ZDHHC18: variants seen among roughly 807,000 people sequenced by gnomAD.
ZDHHC18 encodes the protein palmitoyltransferase ZDHHC18.
ZDHHC18 carries 23 observed loss-of-function variants against 37.5 expected under a neutral mutation model. The observed-to-expected ratio is 0.61, with a 90% CI of 0.44 to 0.87. The LOEUF (loss-of-function observed/expected upper bound fraction) is 0.87, where lower values mean the gene tolerates loss of function less well. Ranked by LOEUF, ZDHHC18 falls within the 40% of genes least tolerant of loss-of-function variation. The probability of loss-of-function intolerance (pLI) is 0.00; values close to 1 mark genes in which losing one functional copy is unlikely to be tolerated. For synonymous variants in ZDHHC18, 185 were observed against 218.7 expected, an observed-to-expected ratio of 0.85 and a Z score of 1.36; for missense variants, 406 against 525.6, an observed-to-expected ratio of 0.77 and a Z score of 2.22.
intron 2 of ZDHHC18, among the ~76,000 whole-genome samples, chr1:26,845,738 T>C (rs1223505830): frequency 6.6e-6 from 1 of 152,116 alleles, no homozygotes; most frequent in African/African-American, 2.4e-5. Context: ...GTTTATCAAA[T>C]TGCTCTTTTA....
chr1:26,842,083 A>C (rs974254900), intron 2 of ZDHHC18, among the ~76,000 whole-genome samples: 2 of 151,616 alleles, frequency 1.3e-5, no homozygotes, highest in Non-Finnish European at 2.9e-5. Flanking sequence ...GCAGTGAGCC[A>C]AGATCGCGCC....
At chr1:26,840,128 C>T (rs1030510870) in intron 2 of ZDHHC18, among the ~76,000 whole-genome samples, 1 of 152,182 alleles carries the variant, frequency 6.6e-6, no homozygotes, top group African/African-American at 2.4e-5. Flanking sequence ...CAGTTCCCTC[C>T]CTGTCCTGGG....
chr1:26,837,491 A>T (rs956786007), intron 2 of ZDHHC18, among the ~76,000 whole-genome samples: 12 of 142,760 alleles, frequency 8.4e-5, no homozygotes, highest in African/African-American at 2.0e-4. Flanking sequence ...TTATTTATTT[A>T]TTTTTTGAGA....
intron 2 of ZDHHC18, among the ~76,000 whole-genome samples, chr1:26,843,106 C>T (rs966389286): frequency 6.6e-6 from 1 of 151,750 alleles, no homozygotes; most frequent in Non-Finnish European, 1.5e-5. Context: ...ACCTAAATAA[C>T]TTACTTAAGT....
At chr1:26,842,425 A>G (rs1557643110) in intron 2 of ZDHHC18, among the ~76,000 whole-genome samples, 1 of 152,236 alleles carries the variant, frequency 6.6e-6, no homozygotes, top group Non-Finnish European at 1.5e-5. Flanking sequence ...AGGCACAAAG[A>G]GCTTATATGA....
chr1:26,847,104 T>C (rs1363214549), intron 2 of ZDHHC18, among the ~76,000 whole-genome samples: 1 of 151,628 alleles, frequency 6.6e-6, no homozygotes, highest in Non-Finnish European at 1.5e-5. Context: ...ACCGTGTTGG[T>C]CAGGATGGTC....
intron 2 of ZDHHC18, among the ~76,000 whole-genome samples, chr1:26,847,164 G>C (rs1456607104): frequency 1.3e-5 from 2 of 152,050 alleles, no homozygotes; most frequent in Admixed American, 1.3e-4. Context: ...CAAAGTGCTG[G>C]GGTTACAGAT....
rs532895598 is a variant in ZDHHC18, at chr1:26,851,231, C to T, written c.936C>T (p.Asp312=). 4.3e-6 allele frequency: 7 copies of T among 1,613,956 alleles called. No homozygotes were observed. Among genetic ancestry groups the T allele is most frequent in the East Asian group, 4.5e-5 (2 of 44,890 alleles). The change falls in exon 6 of 8, where the codon GAC becomes GAT. Residue 312 remains aspartate, a splice_region_variant and synonymous_variant. Coordinates refer to ENST00000374142, the MANE Select transcript of ZDHHC18 (RefSeq NM_032283.3). ...CCTCCAACCTGACTACTAATGAAGA[C>T]GTGAGTAAACCTGGAGCCACCCCTC... is the stretch of plus-strand genomic sequence containing the variant. ...LVASNLTTNE[D]IKGSWSSKRG... is the part of the protein sequence containing the mutation.
chr1:26,827,285 TCTGCCCCC>T (rs1164522385), intron 1 of ZDHHC18, 146 bp downstream of exon 1: 12 of 653,262 alleles, frequency 1.8e-5, no homozygotes, highest in Non-Finnish European at 1.5e-5. Flanking sequence ...GGGCCTCTTG[TCTGCCCCC>T]CTGGCCCCTG....
intron 2 of ZDHHC18, among the ~76,000 whole-genome samples, chr1:26,835,699 C>CA (rs1557641188): frequency 1.3e-5 from 2 of 151,730 alleles, no homozygotes; most frequent in Non-Finnish European, 2.9e-5. Flanking sequence ...GACTCCGTCT[C>CA]AAAAAACAAA....
In ZDHHC18 at chr1:26,850,681, T is replaced by G; in HGVS notation, c.833+75T>G. ...ACTGGGTGGGTGCCCTGCCTCATCCTCTAATCAGAAGGGAACAGCGTACAG... is the reference window on the plus strand; with the variant it reads ...ACTGGGTGGGTGCCCTGCCTCATCCGCTAATCAGAAGGGAACAGCGTACAG... On this transcript the variant is annotated intron_variant, in intron 5 of 7. Transcript: ENST00000374142. This position sits in a 1 kb window ranked among gnomAD's most constrained non-coding sequence, Gnocchi z 6.1. 1 of 1,531,632 alleles carries G rather than the reference T, an allele frequency of 6.5e-7. No individual in the cohort carries two copies. Among genetic ancestry groups the G allele is most frequent in the Non-Finnish European group, 9.0e-7 (1 of 1,111,590 alleles). The allele number at this position is 1,531,632 out of a possible 1,614,324, so 94.9% of individuals were successfully genotyped here. A position where few individuals can be genotyped will look rare whatever the true frequency, so the allele number is the denominator to read the frequency against.
intron 6 of ZDHHC18, among the ~76,000 whole-genome samples, chr1:26,851,895 G>A (rs773011551): frequency 5.9e-5 from 9 of 152,334 alleles, no homozygotes; most frequent in Non-Finnish European, 1.0e-4. Context: ...CATGTTTGAT[G>A]TGCCCAGTCC....
intron 2 of ZDHHC18, among the ~76,000 whole-genome samples, chr1:26,839,922 C>G (rs933336532): frequency 1.1e-4 from 17 of 152,198 alleles, no homozygotes; most frequent in Admixed American, 9.2e-4. Context: ...GGGTGCAGCC[C>G]CTGCAGAGCC....
intron 2 of ZDHHC18, among the ~76,000 whole-genome samples, chr1:26,841,657 C>T (rs2081639705): frequency 6.6e-6 from 1 of 152,080 alleles, no homozygotes; most frequent in African/African-American, 2.4e-5. Flanking sequence ...GTATCACCAG[C>T]TTTGGAAAGA....
chr1:26,832,493 G>A lies in ZDHHC18; in HGVS notation c.382G>A (p.Ala128Thr), dbSNP rs757622411. 3.1e-6 allele frequency: 5 copies of A among 1,614,028 alleles called. No homozygotes were observed. The highest frequency in any genetic ancestry group is 1.1e-5 in the South Asian group (1 of 91,066). The change falls in exon 2 of 8, where the codon GCT becomes ACT. Residue 128 changes from alanine to threonine, a missense_variant. By Grantham distance (58) the Ala-to-Thr change is moderately conservative. Coordinates refer to ENST00000374142, the MANE Select transcript of ZDHHC18 (RefSeq NM_032283.3). ...RKLTLAIPII[A>T]AILFFFVMSC... The stretch of plus-strand genomic sequence containing the variant: ...GCTGACCCTTGCCATCCCCATCATC[G>A]CTGCCATCCTCTTCTTCTTCGTCAT...
chr1:26,852,096 A>T (rs964269495), intron 6 of ZDHHC18, among the ~76,000 whole-genome samples: 9 of 152,254 alleles, frequency 5.9e-5, no homozygotes, highest in Non-Finnish European at 1.2e-4. Flanking sequence ...CCTGGTGATC[A>T]GTGAGAACAG....
chr1:26,852,922 A>T, intron 7 of ZDHHC18, 57 bp downstream of exon 7: 1 of 1,545,654 alleles, frequency 6.5e-7, no homozygotes, highest in Non-Finnish European at 8.9e-7. Context: ...CAGTGATCAA[A>T]GTGTTCCTGG....
chr1:26,849,890 C>A (rs1356786348), intron 3 of ZDHHC18, among the ~76,000 whole-genome samples: 8 of 152,172 alleles, frequency 5.3e-5, no homozygotes, highest in Non-Finnish European at 1.2e-4. Context: ...AGCACAGCCC[C>A]CCTCGCCCAT....
At chr1:26,832,272 T>C (rs928019155) in intron 1 of ZDHHC18, among the ~76,000 whole-genome samples, 175 bp from the exon 2 acceptor site, 2 of 152,150 alleles carry the variant, frequency 1.3e-5, no homozygotes, top group South Asian at 4.1e-4. Context: ...CTGTTCCCGG[T>C]ACTTATTGGG....
Sources: gnomAD v4.1 joint callset for allele counts (sites outside exome capture counted in the v4.1 genomes callset) on GRCh38, gnomAD v4.1.1 for gene constraint, Gnocchi (gnomAD v3.1) non-coding constraint, MANE v1.5 for transcripts, NCBI Gene and HGNC (gene_info 2026-07-23, HGNC 2026-07-21) for gene names.